The following DCAF4 variants were observed in gnomAD, a reference collection of about 807,000 sequenced individuals.
DCAF4 encodes DDB1 and CUL4 associated factor 4.
DCAF4 carries 37 observed loss-of-function variants against 60.9 expected under a neutral mutation model. The observed-to-expected ratio is 0.61, with a 90% CI of 0.47 to 0.80. DCAF4 has a LOEUF of 0.80. Ranked by LOEUF, DCAF4 falls within the 30% of genes least tolerant of loss-of-function variation. DCAF4 has a pLI of 0.00. For synonymous variants in DCAF4, 243 were observed against 254.8 expected (o/e 0.95, Z 0.44); for missense variants, 577 against 650.0 (o/e 0.89, Z 1.22).
At chr14:72,934,034 G>A (rs1888923597) in intron 1 of DCAF4, among the ~76,000 whole-genome samples, 1 of 152,050 alleles carries the variant, frequency 6.6e-6, no homozygotes, top group Admixed American at 6.6e-5. Flanking sequence ...CACACCCAGA[G>A]TCCTCATGAT....
In DCAF4 at chr14:72,955,669, C is replaced by A; in HGVS notation, c.1152C>A (p.Tyr384Ter). The change falls in exon 12 of 14, where the codon TAC becomes TAA. Residue 384 changes from tyrosine to a stop codon, truncating the protein, a stop_gained. Transcript: ENST00000358377. LOFTEE classifies it high-confidence loss of function. ...TGCGGATCCTCCAAGATGAGCAATA[C>A]CTGATGGCTTCAGACATGGCTGGAA... ...TSVRILQDEQ[Y>*]LMASDMAGKI... 6.2e-7 allele frequency: 1 copy of A among 1,613,998 alleles called. No homozygotes were observed. The highest frequency in any genetic ancestry group is 8.5e-7 in the Non-Finnish European group (1 of 1,179,942).
At chr14:72,933,318 T>C (rs1888816454) in intron 1 of DCAF4, among the ~76,000 whole-genome samples, 1 of 152,124 alleles carries the variant, frequency 6.6e-6, no homozygotes, top group Non-Finnish European at 1.5e-5. Context: ...CCCAGCACTT[T>C]GGGAGGCCGA....
downstream of DCAF4, chr14:72,960,549 C>T (rs1377489739): frequency 1.0e-6 from 1 of 988,684 alleles, no homozygotes. Flanking sequence ...CACTGTGCCC[C>T]CTCAGCATTG....
chr14:72,956,346 C>A, intron 12 of DCAF4, 40 bp from the exon 13 acceptor site: 2 of 1,526,668 alleles, frequency 1.3e-6, no homozygotes, highest in East Asian at 2.3e-5. Flanking sequence ...CATGGTACCC[C>A]CTGGCCCCTC....
chr14:72,950,920 T>C (rs1020149238), intron 8 of DCAF4, among the ~76,000 whole-genome samples: 1 of 152,146 alleles, frequency 6.6e-6, no homozygotes, highest in African/African-American at 2.4e-5. Context: ...CAGTTCTCTC[T>C]GAGTAGAGGA....
chr14:72,949,416 A>G (rs4903080), intron 8 of DCAF4, among the ~76,000 whole-genome samples: 33,850 of 152,082 alleles, frequency 0.22, 4,393 homozygotes, highest in East Asian at 0.48. Context: ...TGATCACACT[A>G]CTGCACTCCA....
rs373409844 is a variant in DCAF4, at chr14:72,954,396, G to A, written c.918G>A (p.Arg306=). 9.1e-5 allele frequency: 147 copies of A among 1,613,996 alleles called. No individual in the cohort carries two copies. Among genetic ancestry groups the A allele is most frequent in the Non-Finnish European group, 1.1e-4 (135 of 1,179,894 alleles). The change falls in exon 11 of 14, where the codon CGG becomes CGA. Residue 306 remains arginine (R), a synonymous_variant. Coordinates refer to ENST00000358377, the MANE Select transcript of DCAF4 (RefSeq NM_015604.4). ...CTCTGTCTCCGCCAGGCTTGTCTCG[G>A]CGGGTCCTGTTGACCAACGTGGTGA... is the stretch of plus-strand genomic sequence containing the variant. ...ANNCFSTGLS[R]RVLLTNVVTG... is the part of the protein sequence containing the mutation.
At position 72,945,910 on chromosome 14, in the gene DCAF4, C is replaced by T; in HGVS notation, c.561C>T (p.Phe187=). 6.2e-7 allele frequency: 1 copy of T among 1,614,218 alleles called. No homozygotes were observed. Residue 187 remains phenylalanine (F), a synonymous_variant, in exon 7 of 14, where the codon TTC becomes TTT. Coordinates refer to ENST00000358377, the MANE Select transcript of DCAF4 (RefSeq NM_015604.4). ...ILADTNSDRL[F]TVNDVKVGGS... The stretch of plus-strand genomic sequence containing the variant: ...CAGATACCAACAGTGACCGGCTCTT[C>T]ACAGTGAACGATGTTAAAGTTGGAG...
At position 72,958,601 on chromosome 14, in the gene DCAF4, C is replaced by T. The variant is rs200464665; in HGVS notation, c.1295-11C>T. 2,451 of 1,614,160 alleles carry T rather than the reference C, an allele frequency of 1.5e-3. 4 individuals carry two copies. Among genetic ancestry groups the T allele is most frequent in the Non-Finnish European group, 1.7e-3 (1,950 of 1,180,014 alleles). ...CTCACTAGCCTGCCATGTGTCTCTC[C>T]TCTTTCCTAGTGGGCCAGGACTGCT... On this transcript the variant is annotated splice_polypyrimidine_tract_variant and intron_variant, in intron 13 of 13. Coordinates refer to ENST00000358377, the MANE Select transcript of DCAF4 (RefSeq NM_015604.4).
At position 72,958,975 on chromosome 14, in the gene DCAF4, G is replaced by C; in HGVS notation, c.*170G>C. On this transcript the variant is annotated 3_prime_UTR_variant, in exon 14 of 14. Coordinates refer to ENST00000358377, the MANE Select transcript of DCAF4 (RefSeq NM_015604.4). Reference sequence around the variant, plus strand: ...GTTCCGTGTGGAGATGCTCAGGAAAGTTATTTGAGTTAAATTGCTGGCTGA... The same window carrying C: ...GTTCCGTGTGGAGATGCTCAGGAAACTTATTTGAGTTAAATTGCTGGCTGA... 1.6e-6 allele frequency: 2 copies of C among 1,271,178 alleles called. No homozygotes were observed. The highest frequency in any genetic ancestry group is 2.0e-6 in the Non-Finnish European group (2 of 1,010,848). 78.7% of individuals were successfully genotyped at this position (1,271,178 alleles called of 1,614,324 possible). A position where few individuals can be genotyped will look rare whatever the true frequency, so the allele number is the denominator to read the frequency against.
intron 8 of DCAF4, among the ~76,000 whole-genome samples, chr14:72,949,205 T>C (rs998218548): frequency 2.0e-5 from 3 of 152,160 alleles, no homozygotes; most frequent in Admixed American, 1.3e-4. Context: ...TCTCAGCATT[T>C]TGGGAGGCCA....
chr14:72,927,403 G>T (rs1285202824), intron 1 of DCAF4, among the ~76,000 whole-genome samples: 1 of 146,296 alleles, frequency 6.8e-6, no homozygotes, highest in Non-Finnish European at 1.5e-5. Context: ...CCAGGCTGGA[G>T]TGCAGTGGCA....
intron 8 of DCAF4, 59 bp downstream of exon 8, chr14:72,947,250 G>A: frequency 6.3e-7 from 1 of 1,588,680 alleles, no homozygotes; most frequent in African/African-American, 1.3e-5. Flanking sequence ...GTTGGACCTG[G>A]GTATCTGTGG....
rs763437388 is a variant in DCAF4, at chr14:72,956,383, C to T, written c.1180-3C>T. On this transcript the variant is annotated splice_polypyrimidine_tract_variant and splice_region_variant and intron_variant, in intron 12 of 13. Transcript: ENST00000358377. ...CTGATGGCCCCTGGTGCTTTTTCCA[C>T]AGATCAAGCTGTGGGACCTGAGGAC... 6.3e-7 allele frequency: 1 copy of T among 1,596,338 alleles called. No individual in the cohort carries two copies. The highest frequency in any genetic ancestry group is 8.5e-7 in the Non-Finnish European group (1 of 1,171,476).
At chr14:72,948,740 A>AT (rs1355386080) in intron 8 of DCAF4, among the ~76,000 whole-genome samples, 2 of 152,120 alleles carry the variant, frequency 1.3e-5, no homozygotes, top group Non-Finnish European at 1.5e-5. Flanking sequence ...TGTGCTGAAG[A>AT]TTTTTTGTGC....
intron 1 of DCAF4, chr14:72,929,941 C>T: frequency 1.0e-6 from 1 of 985,728 alleles, no homozygotes; most frequent in Non-Finnish European, 1.5e-6. Context: ...GGCTGCTGCT[C>T]TCCATGGCGG....
intron 4 of DCAF4, chr14:72,940,587 AGTTG>A: frequency 3.0e-6 from 1 of 337,476 alleles, no homozygotes. Context: ...TTGTTCGATA[AGTTG>A]TTTTTTTTTT....
chr14:72,926,593 C>T (rs553794357), intron 1 of DCAF4, 50 bp downstream of exon 1: 2 of 152,030 alleles, frequency 1.3e-5, no homozygotes, highest in East Asian at 1.9e-4. Flanking sequence ...CGAGGGCTGC[C>T]GCGCTCCCGC....
In DCAF4 at chr14:72,929,686, G is replaced by A. The variant is rs953226993; in HGVS notation, c.-9+3143G>A. On this transcript the variant is annotated intron_variant, in intron 1 of 13. Coordinates refer to ENST00000358377, the MANE Select transcript of DCAF4 (RefSeq NM_015604.4). ...AGCTCCTCCCGCTTCCTCTTGGCAC[G>A]GATGTGCGTCCCCACCCTTTTCTTG... 57 of 1,318,206 alleles carry A rather than the reference G, an allele frequency of 4.3e-5. No homozygotes were observed. In the East Asian group the frequency reaches 5.4e-4, roughly 12 times the overall value. 81.7% of individuals were successfully genotyped at this position (1,318,206 alleles called of 1,614,324 possible). A position where few individuals can be genotyped will look rare whatever the true frequency, so the allele number is the denominator to read the frequency against.
Sources: gnomAD v4.1 joint callset for allele counts (sites outside exome capture counted in the v4.1 genomes callset) on GRCh38, gnomAD v4.1.1 for gene constraint, MANE v1.5 for transcripts, NCBI Gene and HGNC (gene_info 2026-07-23, HGNC 2026-07-21) for gene names.